Variants in MEF2C observed in about 807,000 individuals in gnomAD.
MEF2C encodes the protein myocyte enhancer factor 2C.
MEF2C carries 6 observed loss-of-function variants against 50.5 expected under a neutral mutation model. The ratio of observed to expected loss-of-function variants is 0.12; its 90% CI spans 0.07 to 0.23. The LOEUF (loss-of-function observed/expected upper bound fraction) is 0.23, where lower values mean the gene tolerates loss of function less well. Ranked by LOEUF, MEF2C falls within the 10% of genes least tolerant of loss-of-function variation. MEF2C has a pLI of 1.00. For missense variants in MEF2C, 276 were observed against 605.0 expected, an observed-to-expected ratio of 0.46 and a Z score of 5.70; for synonymous variants, 183 against 228.0, an observed-to-expected ratio of 0.80 and a Z score of 1.78.
intron 2 of MEF2C, among the ~76,000 whole-genome samples, chr5:88,816,303 G>A (rs147860710): frequency 2.5e-4 from 38 of 151,936 alleles, no homozygotes; most frequent in East Asian, 2.1e-3. Context: ...ATCATGCACC[G>A]AACAGGATAA....
intron 9 of MEF2C, among the ~76,000 whole-genome samples, chr5:88,728,858 T>A (rs1304080156): frequency 6.6e-6 from 1 of 152,158 alleles, no homozygotes; most frequent in East Asian, 1.9e-4. Context: ...AGTAGCATAG[T>A]CCGCAATTCT....
chr5:88,814,904 T>A (rs975100210), intron 2 of MEF2C, among the ~76,000 whole-genome samples: 2 of 152,026 alleles, frequency 1.3e-5, no homozygotes, highest in African/African-American at 4.8e-5. Context: ...ATATAAGAGA[T>A]TTTACTGTGG....
At chr5:88,899,806 A>C (rs948619183) in intron 1 of MEF2C, among the ~76,000 whole-genome samples, 7 of 151,860 alleles carry the variant, frequency 4.6e-5, no homozygotes, top group African/African-American at 1.7e-4. Context: ...TTAATGACTA[A>C]TGTTGATTTG....
intron 2 of MEF2C, among the ~76,000 whole-genome samples, chr5:88,812,636 T>A (rs700589): frequency 0.43 from 65,168 of 151,948 alleles, 16,104 homozygotes; most frequent in African/African-American, 0.68. Context: ...ATTTTATAAT[T>A]AATTATCTCC....
chr5:88,728,962 A>G (rs573434565), intron 9 of MEF2C, among the ~76,000 whole-genome samples: 2 of 152,192 alleles, frequency 1.3e-5, no homozygotes. Context: ...TTTTTATTAC[A>G]TCAAAGAAAC....
chr5:88,738,228 C>G, intron 6 of MEF2C: 1 of 985,286 alleles, frequency 1.0e-6, no homozygotes, highest in Non-Finnish European at 1.2e-6. Context: ...GAATGAGAGG[C>G]TCTCAGGTAC....
At chr5:88,758,534 G>A (rs896328451) in intron 4 of MEF2C, among the ~76,000 whole-genome samples, 10 of 152,118 alleles carry the variant, frequency 6.6e-5, no homozygotes, top group African/African-American at 2.4e-4. Context: ...TTCAAACTGG[G>A]TCTTCGAAAT....
At position 88,719,398 on chromosome 5, in the gene MEF2C, G is replaced by C. The variant is rs550799702; in HGVS notation, c.*3206C>G. On this transcript the variant is annotated 3_prime_UTR_variant, in exon 11 of 11. Transcript: ENST00000504921. ...ATGCATACAATATACAGGTTGTGCA[G>C]CTTGCGTATATTGCATCACTGTTAC... is the stretch of plus-strand genomic sequence containing the variant. The C allele has an allele frequency of 4.6e-5, 7 of 152,318 alleles. No individual in the cohort carries two copies. Among genetic ancestry groups the C allele is most frequent in the African/African-American group, 1.4e-4 (6 of 41,578 alleles). The allele number at this position is 152,318 out of a possible 1,614,324, so 9.4% of individuals were successfully genotyped here. A position where few individuals can be genotyped will look rare whatever the true frequency, so the allele number is the denominator to read the frequency against.
intron 6 of MEF2C, chr5:88,734,566 T>G (rs946727531): frequency 3.7e-5 from 9 of 242,404 alleles, no homozygotes; most frequent in Admixed American, 2.9e-4. Context: ...GAAAAGTTTG[T>G]TTTTTTTTTT....
chr5:88,733,796 A>G (rs1762679067), intron 6 of MEF2C: 3 of 985,432 alleles, frequency 3.0e-6, no homozygotes, highest in African/African-American at 3.5e-5. Flanking sequence ...AACAAAAATA[A>G]AGCAAACTGG....
intron 3 of MEF2C, among the ~76,000 whole-genome samples, chr5:88,790,550 G>GCAA (rs1793271599): frequency 6.6e-6 from 1 of 152,156 alleles, no homozygotes; most frequent in East Asian, 1.9e-4. Context: ...ACTGTACCTT[G>GCAA]GTCTGGAAGT....
intron 2 of MEF2C, among the ~76,000 whole-genome samples, chr5:88,805,372 T>C (rs2153078833): frequency 6.6e-6 from 1 of 152,300 alleles, no homozygotes; most frequent in East Asian, 1.9e-4. Context: ...AGGGTTTTGG[T>C]TTCATTCTTC....
rs565836216 is a variant in MEF2C at position 88,794,056 on chromosome 5, T to A, written c.258+10542A>T. Among the ~76,000 whole-genome samples, 60 of 152,350 alleles carry A rather than the reference T, an allele frequency of 3.9e-4. No homozygotes were observed. In the Middle Eastern group the frequency reaches 0.01, roughly 26 times the overall value. ...ATCCAGTCTATCATTGATGGACATT[T>A]GGGTTGGTTCCAAGTCTTTGCTATT... On this transcript the variant is annotated intron_variant, in intron 3 of 10. Transcript: ENST00000504921.
intron 1 of MEF2C, among the ~76,000 whole-genome samples, chr5:88,855,269 A>C (rs1822880184): frequency 6.6e-6 from 1 of 152,226 alleles, no homozygotes. Context: ...TTATTTTCTT[A>C]AATAATTTGA....
At chr5:88,843,956 C>T (rs957654534) in intron 1 of MEF2C, among the ~76,000 whole-genome samples, 7 of 151,922 alleles carry the variant, frequency 4.6e-5, no homozygotes, top group East Asian at 1.9e-4. Context: ...ACTACAGGTG[C>T]GCACCACCAC....
chr5:88,854,235 G>C (rs1363648250), intron 1 of MEF2C, among the ~76,000 whole-genome samples: 1 of 152,092 alleles, frequency 6.6e-6, no homozygotes, highest in East Asian at 1.9e-4. Context: ...ATTGCCATGG[G>C]TTTATAGAGT....
intron 10 of MEF2C, 91 bp from the exon 11 acceptor site, chr5:88,723,016 G>T: frequency 1.8e-6 from 2 of 1,129,528 alleles, no homozygotes; most frequent in Non-Finnish European, 1.2e-6. Flanking sequence ...TTAAAGACTC[G>T]CATAGACACC....
chr5:88,763,116 A>G (rs1261945188), intron 3 of MEF2C, among the ~76,000 whole-genome samples: 1 of 152,238 alleles, frequency 6.6e-6, no homozygotes, highest in African/African-American at 2.4e-5. Flanking sequence ...AATATTTATT[A>G]ATGTTATAGT....
intron 1 of MEF2C, among the ~76,000 whole-genome samples, chr5:88,835,245 T>G (rs1814613180): frequency 6.6e-6 from 1 of 152,196 alleles, no homozygotes; most frequent in African/African-American, 2.4e-5. Flanking sequence ...AAAAACAATC[T>G]TACAACCGTA....
Sources: gnomAD v4.1 joint callset for allele counts (sites outside exome capture counted in the v4.1 genomes callset) on GRCh38, gnomAD v4.1.1 for gene constraint, MANE v1.5 for transcripts, NCBI Gene and HGNC (gene_info 2026-07-23, HGNC 2026-07-21) for gene names.